Variants in SARDH observed in about 807,000 individuals in gnomAD.
SARDH encodes sarcosine dehydrogenase, mitochondrial.
A neutral mutation model predicts 109.1 loss-of-function variants in SARDH; 95 were observed. The ratio of observed to expected loss-of-function variants is 0.87; its 90% CI spans 0.74 to 1.03. SARDH has a LOEUF of 1.03. Among genes scored for constraint, SARDH ranks in the 50% least tolerant of loss-of-function variants. The pLI, the probability that SARDH is intolerant of heterozygous loss-of-function variation, is 0.00. For missense variants in SARDH, 1,267 were observed against 1,287.8 expected, an observed-to-expected ratio of 0.98 and a Z score of 0.25; for synonymous variants, 572 against 534.8, an observed-to-expected ratio of 1.07 and a Z score of -0.96.
At chr9:133,719,161 C>T (rs548826788) in intron 6 of SARDH, 119 bp from the exon 7 acceptor site, 18 of 763,118 alleles carry the variant, frequency 2.4e-5, no homozygotes, top group South Asian at 7.9e-5. Flanking sequence ...TGGTCCTTCT[C>T]GTTGTAGGAC....
At chr9:133,662,943 C>G (rs533331563), downstream of SARDH, among the ~76,000 whole-genome samples, 3 of 152,302 alleles carry the variant, frequency 2.0e-5, no homozygotes, top group African/African-American at 7.2e-5. This position sits in a 1 kb window ranked among gnomAD's most constrained non-coding sequence, Gnocchi z 5.1. Context: ...TTCTGACACA[C>G]AGGCAGTTAT....
In SARDH at chr9:133,666,113, T is replaced by C. The variant is rs1391709087; in HGVS notation, c.2631+622A>G. ...TGCTCCTGGGGGCAGTGCCTGCTCT[T>C]TCCAGCCTGTTCCTGCCTCCTGCAG... On this transcript the variant is annotated intron_variant, in intron 20 of 20. Transcript: ENST00000439388. The surrounding 1 kb of genome is among the most constrained non-coding windows in gnomAD (Gnocchi z 5.2). 6.6e-6 allele frequency among the ~76,000 whole-genome samples: 1 copy of C among 152,172 alleles called. No homozygotes were observed. Among genetic ancestry groups the C allele is most frequent in the Non-Finnish European group, 1.5e-5 (1 of 68,020 alleles).
intron 13 of SARDH, among the ~76,000 whole-genome samples, chr9:133,702,631 C>CG (rs1831531023): frequency 6.6e-6 from 1 of 152,226 alleles, no homozygotes. Context: ...GCAGCCCCAC[C>CG]GGGCCCCAGC....
At position 133,685,195 on chromosome 9, in the gene SARDH, G is replaced by C; in HGVS notation, c.2161C>G (p.Leu721Val). ...GGACGTGGCCAGCTGGAACCTACCA[G>C]GTGCCCTGCGGCTCTCAGTAGCTTG... ...THKLLRAAGHLVRAMRLSFVG... is the reference protein window; with the variant it reads ...THKLLRAAGHVVRAMRLSFVG... The change falls in exon 17 of 21, where the codon CTG becomes GTG. Residue 721 changes from leucine (L) to valine (V), a missense_variant and splice_region_variant. Coordinates refer to ENST00000439388, the MANE Select transcript of SARDH (RefSeq NM_001134707.2). The C allele has an allele frequency of 6.2e-7, 1 of 1,613,706 alleles. No homozygotes were observed. The highest frequency in any genetic ancestry group is 2.2e-5 in the East Asian group (1 of 44,864).
In SARDH at chr9:133,731,286, G is replaced by A. The variant is rs776272835; in HGVS notation, c.690+19C>T. On this transcript the variant is annotated intron_variant, in intron 4 of 20. Coordinates refer to ENST00000439388, the MANE Select transcript of SARDH (RefSeq NM_001134707.2). ...GTGGGCTGGGAACAGGGGACCCAGA[G>A]CCAGGCGGCCATCAGTACCTGTGCT... 6.2e-7 allele frequency: 1 copy of A among 1,613,096 alleles called. No homozygotes were observed. The highest frequency in any genetic ancestry group is 2.2e-5 in the East Asian group (1 of 44,868).
chr9:133,697,628 A>G (rs1831330843), intron 13 of SARDH, among the ~76,000 whole-genome samples: 1 of 152,270 alleles, frequency 6.6e-6, no homozygotes, highest in African/African-American at 2.4e-5. Context: ...TTCAAAAATC[A>G]ATTGATGTAA....
chr9:133,723,823 G>A (rs1171304582), intron 6 of SARDH, among the ~76,000 whole-genome samples: 1 of 152,148 alleles, frequency 6.6e-6, no homozygotes, highest in Non-Finnish European at 1.5e-5. Flanking sequence ...TTCAGCAAGG[G>A]TGCTAAGACA....
intron 2 of SARDH, 74 bp downstream of exon 2, chr9:133,733,768 TC>T: frequency 7.5e-7 from 1 of 1,335,926 alleles, no homozygotes. Context: ...CCAAGAACTG[TC>T]CCAGCTAGCA....
chr9:133,717,571 G>A (rs1588442156), intron 7 of SARDH, 116 bp from the exon 8 acceptor site: 2 of 1,431,720 alleles, frequency 1.4e-6, no homozygotes, highest in East Asian at 4.9e-5. Flanking sequence ...AGATGCATTA[G>A]AGGGCTGGTG....
chr9:133,705,268 A>G (rs1831647655), intron 11 of SARDH, among the ~76,000 whole-genome samples: 1 of 148,486 alleles, frequency 6.7e-6, no homozygotes, highest in Non-Finnish European at 1.5e-5. Flanking sequence ...CCCCATCTAT[A>G]GAATTACCAC....
chr9:133,665,235 G>A (rs1018672840), intron 20 of SARDH, among the ~76,000 whole-genome samples: 4 of 152,180 alleles, frequency 2.6e-5, no homozygotes, highest in South Asian at 2.1e-4. Context: ...CCCTGGTCAC[G>A]TTGGTTATGG....
Position 133,717,368 on chromosome 9 carries a change from C to T in SARDH, c.1108G>A (p.Val370Met), listed in dbSNP as rs545875918. 84 of 1,614,142 alleles carry T rather than the reference C, an allele frequency of 5.2e-5. No homozygotes were observed. The highest frequency in any genetic ancestry group is 9.3e-5 in the African/African-American group (7 of 75,062). Residue 370 changes from valine (V) to methionine (M), a missense_variant, in exon 8 of 21, where the codon GTG (valine) becomes ATG (methionine). Physicochemically the swap from Val to Met is conservative, Grantham distance 21 (BLOSUM62 1). Transcript: ENST00000439388. ...GACTTGATTCCTGTCTTCTCCAGCA[C>T]GGGGACCCTGTTGATGGCGCCTTCA... is the stretch of plus-strand genomic sequence containing the variant. Reference protein sequence around the residue: ...HIEGAINRVPVLEKTGIKSTV... With the variant: ...HIEGAINRVPMLEKTGIKSTV...
intron 1 of SARDH, among the ~76,000 whole-genome samples, chr9:133,736,390 G>GTTTGTTTGTTTGT (rs35126944): frequency 3.1e-4 from 46 of 150,390 alleles, no homozygotes; most frequent in South Asian, 1.5e-3. Context: ...TGTTGTTGTT[G>GTTTGTTTGTTTGT]TTGTTTGTTT....
chr9:133,713,548 T>A (rs537207838), intron 8 of SARDH, among the ~76,000 whole-genome samples: 39 of 152,328 alleles, frequency 2.6e-4, no homozygotes, highest in African/African-American at 7.0e-4. Flanking sequence ...CTCACTCCAC[T>A]TCCCCCCGCC....
At position 133,676,050 on chromosome 9, in the gene SARDH, C is replaced by G. The variant is rs187621946; in HGVS notation, c.2164-4353G>C. Among the ~76,000 whole-genome samples the G allele has an allele frequency of 4.4e-3, 663 of 151,898 alleles. 3 individuals are homozygous for G. Among genetic ancestry groups the G allele is most frequent in the Non-Finnish European group, 7.0e-3 (476 of 67,968 alleles). On this transcript the variant is annotated intron_variant, in intron 17 of 20. Coordinates refer to ENST00000439388, the MANE Select transcript of SARDH (RefSeq NM_001134707.2). ...TTGAGGCAGTGAGCTGAGATCGCAC[C>G]GCTGCACTCCAGCCTGGGTGACAGA...
intron 6 of SARDH, chr9:133,725,547 G>A (rs1274244446): frequency 6.9e-6 from 3 of 436,552 alleles, no homozygotes; most frequent in African/African-American, 2.0e-5. Context: ...GTGGTGACGG[G>A]CACATTTAAT....
Position 133,711,924 on chromosome 9 carries a change from C to T in SARDH, c.1328+695G>A, listed in dbSNP as rs545914362. Among the ~76,000 whole-genome samples the T allele has an allele frequency of 4.6e-5, 7 of 152,322 alleles. No individual in the cohort carries two copies. The South Asian group carries it at 8.3e-4, about 18-fold the overall frequency. On this transcript the variant is annotated intron_variant, in intron 10 of 20. Coordinates refer to ENST00000439388, the MANE Select transcript of SARDH (RefSeq NM_001134707.2). ...GACGAGACACAGGAGGAGCCTCCCC[C>T]CTTGCCGGGGAGCGCCTGCACCACT...
chr9:133,731,356 G>C lies in SARDH; in HGVS notation c.639C>G (p.Pro213=). ...TGGCGAGGGTGGTACAGGTGCCAGC[G>C]GGGTCCATGGTACCGTCGTGCGGCA... The part of the protein sequence containing the change: ...LYVPHDGTMD[P]AGTCTTLARA... The change falls in exon 4 of 21, where the codon CCC becomes CCG. Residue 213 remains proline, a synonymous_variant. Coordinates refer to ENST00000439388, the MANE Select transcript of SARDH (RefSeq NM_001134707.2). The C allele has an allele frequency of 6.2e-7, 1 of 1,614,184 alleles. No homozygotes were observed. Among genetic ancestry groups the C allele is most frequent in the Non-Finnish European group, 8.5e-7 (1 of 1,180,042 alleles).
Position 133,718,942 on chromosome 9 carries a change from T to G in SARDH, c.1016A>C (p.Glu339Ala). Residue 339 changes from glutamate to alanine, a missense_variant, in exon 7 of 21, where the codon GAG becomes GCG. Glu to Ala is a moderately radical substitution (Grantham distance 107). Transcript: ENST00000439388. The surrounding 1 kb of genome is among the most constrained non-coding windows in gnomAD (Gnocchi z 4.2). ...CCCAGGGCCCTGGCATCTTACCTCC[T>G]CCCAAAAGATGGGGTTGGCCTCATA... ...GGYEANPIFWEEVSDKFAFGL... is the reference protein window; with the variant it reads ...GGYEANPIFWAEVSDKFAFGL... The G allele has an allele frequency of 6.2e-7, 1 of 1,612,834 alleles. No homozygotes were observed. The highest frequency in any genetic ancestry group is 1.3e-5 in the African/African-American group (1 of 74,928).
Sources: allele counts gnomAD v4.1 joint callset (sites outside exome capture counted in the v4.1 genomes callset), GRCh38; gene constraint gnomAD v4.1.1; non-coding constraint Gnocchi (gnomAD v3.1); transcripts MANE v1.5; gene names NCBI Gene and HGNC (gene_info 2026-07-23, HGNC 2026-07-21).